Variants in GTF3C6 observed in about 807,000 individuals in gnomAD.
GTF3C6 encodes the protein general transcription factor IIIC subunit 6.
GTF3C6 carries 11 observed loss-of-function variants against 19.2 expected under a neutral mutation model. The observed-to-expected ratio is 0.57, with a 90% CI of 0.36 to 0.95. The LOEUF is 0.95. GTF3C6 is among the 40% of genes least tolerant of loss of function. GTF3C6 has a pLI of 0.01. For missense variants in GTF3C6, 222 were observed against 254.7 expected (o/e 0.87, Z 0.87); for synonymous variants, 87 against 84.2 (o/e 1.03, Z -0.18).
intron 5 of GTF3C6, among the ~76,000 whole-genome samples, chr6:110,964,348 G>A (rs938031482): frequency 3.3e-5 from 5 of 151,834 alleles, no homozygotes; most frequent in Non-Finnish European, 7.4e-5. Flanking sequence ...AGGTTCAAGC[G>A]ATTCTCCTGC....
At chr6:110,959,105 T>G (rs143224507) in intron 1 of GTF3C6, 67 bp from the exon 2 acceptor site, 765 of 1,183,510 alleles carry the variant, frequency 6.5e-4, no homozygotes, top group Middle Eastern at 3.3e-3. Context: ...AAATTTGGCT[T>G]CTTTTGCTAA....
intron 5 of GTF3C6, among the ~76,000 whole-genome samples, chr6:110,962,886 C>T (rs1254479163): frequency 6.6e-6 from 1 of 152,206 alleles, no homozygotes; most frequent in Non-Finnish European, 1.5e-5. Context: ...TCAAGCGATT[C>T]TGCTGCCTCA....
intron 5 of GTF3C6, among the ~76,000 whole-genome samples, chr6:110,964,958 G>A (rs895202730): frequency 2.7e-5 from 4 of 150,464 alleles, no homozygotes; most frequent in African/African-American, 9.8e-5. Context: ...TCAGCCTCCT[G>A]AGTAGCTGGG....
intron 4 of GTF3C6, among the ~76,000 whole-genome samples, chr6:110,961,608 GA>G (rs1771161255): frequency 6.6e-6 from 1 of 152,172 alleles, no homozygotes; most frequent in Admixed American, 6.6e-5. Flanking sequence ...ACAGTTTTCT[GA>G]AAGTTTCAAC....
Position 110,960,556 on chromosome 6 carries a change from T to C in GTF3C6, c.203-16T>C, listed in dbSNP as rs898302853. ...GGTAGCTCTTCTCAACAATTTGCCT[T>C]TGTATTTTTCTGCAGACACTCTAGG... On this transcript the variant is annotated splice_polypyrimidine_tract_variant and intron_variant, in intron 3 of 5. Coordinates refer to ENST00000329970, the MANE Select transcript of GTF3C6 (RefSeq NM_138408.4). 2 of 1,613,562 alleles carry C rather than the reference T, an allele frequency of 1.2e-6. No homozygotes were observed. Among genetic ancestry groups the C allele is most frequent in the Non-Finnish European group, 1.7e-6 (2 of 1,179,618 alleles).
chr6:110,962,368 T>C, intron 4 of GTF3C6, 24 bp from the exon 5 acceptor site: 1 of 1,213,446 alleles, frequency 8.2e-7, no homozygotes, highest in South Asian at 1.2e-5. Context: ...AGAAGTATAA[T>C]AATGTTGTTC....
chr6:110,959,190 G>A lies in GTF3C6; in HGVS notation c.76G>A (p.Glu26Lys), dbSNP rs751822625. Residue 26 changes from glutamate (E) to lysine (K), a missense_variant, in exon 2 of 6, where the codon GAA becomes AAA. Coordinates refer to ENST00000329970, the MANE Select transcript of GTF3C6 (RefSeq NM_138408.4). ...EEEEEQLVLV[E>K]LSGIIDSDFL... ...TCACCAGGAGCAGTTGGTTCTGGTG[G>A]AATTATCAGGAATTATTGATTCAGA... is the stretch of plus-strand genomic sequence containing the variant. 2 of 1,612,006 alleles carry A rather than the reference G, an allele frequency of 1.2e-6. No homozygotes were observed. Among genetic ancestry groups the A allele is most frequent in the Non-Finnish European group, 1.7e-6 (2 of 1,178,178 alleles).
At position 110,962,417 on chromosome 6, in the gene GTF3C6, A is replaced by T; in HGVS notation, c.273A>T (p.Thr91=). ...EHADTEGNNK[T]VLKYKCHTMK... ...CTGATACAGAAGGCAATAATAAAACAGTGCTAAAATATAAATGCCATACAA... is the reference window on the plus strand; with the variant it reads ...CTGATACAGAAGGCAATAATAAAACTGTGCTAAAATATAAATGCCATACAA... Residue 91 remains threonine (T), a synonymous_variant, in exon 5 of 6, where the codon ACA becomes ACT. Coordinates refer to ENST00000329970, the MANE Select transcript of GTF3C6 (RefSeq NM_138408.4). 1 of 1,603,324 alleles carries T rather than the reference A, an allele frequency of 6.2e-7. No individual in the cohort carries two copies. The highest frequency in any genetic ancestry group is 8.5e-7 in the Non-Finnish European group (1 of 1,170,238).
intron 5 of GTF3C6, among the ~76,000 whole-genome samples, chr6:110,966,416 G>A (rs1035938233): frequency 2.0e-5 from 3 of 152,176 alleles, no homozygotes; most frequent in African/African-American, 7.2e-5. Flanking sequence ...GGCGGAGGTT[G>A]CAGTGAGCCG....
At position 110,962,451 on chromosome 6, in the gene GTF3C6, C is replaced by T; in HGVS notation, c.307C>T (p.Leu103Phe). ...ATATAAATGCCATACAATGAAGAAG[C>T]TCAGCATGACAAGAACTCTCCTGAC... Reference protein sequence around the residue: ...LKYKCHTMKKLSMTRTLLTEK... With the variant: ...LKYKCHTMKKFSMTRTLLTEK... The change falls in exon 5 of 6, where the codon CTC becomes TTC. Residue 103 changes from leucine (L) to phenylalanine (F), a missense_variant. Physicochemically the swap from Leu to Phe is conservative, Grantham distance 22. Transcript: ENST00000329970. 1 of 1,612,284 alleles carries T rather than the reference C, an allele frequency of 6.2e-7. No individual in the cohort carries two copies. The highest frequency in any genetic ancestry group is 2.2e-5 in the East Asian group (1 of 44,856).
In GTF3C6 at chr6:110,958,743, G is replaced by T. The variant is rs756202096; in HGVS notation, c.-27G>T. ...GCGGCTCCGGGCGGGCGTGGCCAGT[G>T]ACTAGAAGGCGAGGCGCCGCGGGAC... On this transcript the variant is annotated 5_prime_UTR_variant, in exon 1 of 6. The change abolishes the stop of an existing upstream ORF in the 5' untranslated region. Transcript: ENST00000329970. The T allele has an allele frequency of 3.9e-6, 6 of 1,550,186 alleles. No individual in the cohort carries two copies. Among genetic ancestry groups the T allele is most frequent in the South Asian group, 2.4e-5 (2 of 83,936 alleles).
In GTF3C6 at chr6:110,958,724, C is replaced by G; in HGVS notation, c.-46C>G. 5 of 1,547,248 alleles carry G rather than the reference C, an allele frequency of 3.2e-6. No individual in the cohort carries two copies. The highest frequency in any genetic ancestry group is 4.4e-6 in the Non-Finnish European group (5 of 1,144,678). On this transcript the variant is annotated 5_prime_UTR_variant, in exon 1 of 6. Coordinates refer to ENST00000329970, the MANE Select transcript of GTF3C6 (RefSeq NM_138408.4). Reference sequence around the variant, plus strand: ...GAAGCCCGTACTCAAGATGGCGGCTCCGGGCGGGCGTGGCCAGTGACTAGA... The same window carrying G: ...GAAGCCCGTACTCAAGATGGCGGCTGCGGGCGGGCGTGGCCAGTGACTAGA...
At chr6:110,963,613 A>G (rs931829280) in intron 5 of GTF3C6, among the ~76,000 whole-genome samples, 9 of 152,072 alleles carry the variant, frequency 5.9e-5, no homozygotes, top group South Asian at 2.1e-4. Context: ...GGATATGATC[A>G]CAATAGTTCT....
At position 110,960,285 on chromosome 6, in the gene GTF3C6, G is replaced by A. The variant is rs139973600; in HGVS notation, c.139-129G>A. 6.5e-4 allele frequency: 460 copies of A among 703,240 alleles called. 3 individuals carry two copies. In the African/African-American group the frequency reaches 7.8e-3, roughly 12 times the overall value. The allele number at this position is 703,240 out of a possible 1,614,324, so 43.6% of individuals were successfully genotyped here. A position where few individuals can be genotyped will look rare whatever the true frequency, so the allele number is the denominator to read the frequency against. On this transcript the variant is annotated intron_variant, in intron 2 of 5. Transcript: ENST00000329970. The stretch of plus-strand genomic sequence containing the variant: ...GATCAGAGCAGTTGTAGTTTATCCT[G>A]TACTTGGTAGGACAAGATGCTCTAG...
In GTF3C6 at chr6:110,967,554, C is replaced by T. The variant is rs1394852749; in HGVS notation, c.406C>T (p.Arg136Ter). ...AATAAAGGATAATGATTTCTCCTAT[C>T]GACCCAACATGATTTGTAACTTTCT... ...LQIKDNDFSY[R>*]PNMICNFLHE... Residue 136 changes from arginine (R) to a stop codon, truncating the protein, a stop_gained, in exon 6 of 6, where the codon CGA (arginine) becomes TGA (stop). Transcript: ENST00000329970. LOFTEE classifies it low-confidence loss of function (END_TRUNC). 4.3e-6 allele frequency: 7 copies of T among 1,613,622 alleles called. No homozygotes were observed. The highest frequency in any genetic ancestry group is 3.3e-5 in the Admixed American group (2 of 59,986).
intron 5 of GTF3C6, among the ~76,000 whole-genome samples, chr6:110,965,063 A>C (rs1583248386): frequency 6.7e-6 from 1 of 148,576 alleles, no homozygotes; most frequent in South Asian, 2.1e-4. Context: ...CGAACTCCCG[A>C]CCTCAAGTGA....
At position 110,958,765 on chromosome 6, in the gene GTF3C6, G is replaced by A. The variant is rs1331744509; in HGVS notation, c.-5G>A. 1.3e-5 allele frequency: 20 copies of A among 1,550,782 alleles called. No individual in the cohort carries two copies. Among genetic ancestry groups the A allele is most frequent in the Non-Finnish European group, 1.7e-5 (20 of 1,146,936 alleles). On this transcript the variant is annotated 5_prime_UTR_variant, in exon 1 of 6. Transcript: ENST00000329970. ...AGTGACTAGAAGGCGAGGCGCCGCG[G>A]GACCATGGCGGCGGCGGCGGACGAG...
chr6:110,959,026 C>G (rs774554421), intron 1 of GTF3C6, 146 bp from the exon 2 acceptor site: 16 of 825,260 alleles, frequency 1.9e-5, no homozygotes, highest in Non-Finnish European at 3.0e-5. Context: ...ATGGGAAGTA[C>G]CGGGAAGTTA....
chr6:110,959,004 C>T, intron 1 of GTF3C6, 168 bp from the exon 2 acceptor site: 1 of 838,096 alleles, frequency 1.2e-6, no homozygotes, highest in Non-Finnish European at 1.9e-6. Context: ...TAATCGTCAC[C>T]CCGTACTTGG....
Sources: gnomAD v4.1 joint callset for allele counts (sites outside exome capture counted in the v4.1 genomes callset) on GRCh38, gnomAD v4.1.1 for gene constraint, MANE v1.5 for transcripts, NCBI Gene and HGNC (gene_info 2026-07-23, HGNC 2026-07-21) for gene names.